Variants in GPC5 observed in about 807,000 individuals in gnomAD.
GPC5 encodes glypican 5.
GPC5 carries 47 observed loss-of-function variants against 53.9 expected under a neutral mutation model. That is an observed-to-expected ratio of 0.87 (90% CI 0.69 to 1.11). The LOEUF (loss-of-function observed/expected upper bound fraction) is 1.11. GPC5 is among the 50% of genes most tolerant of loss of function. The probability of loss-of-function intolerance (pLI) is 0.00; values close to 1 mark genes in which losing one functional copy is unlikely to be tolerated. For missense variants in GPC5, 748 were observed against 713.1 expected (o/e 1.05, Z -0.56); for synonymous variants, 286 against 263.3 (o/e 1.09, Z -0.84).
chr13:92,577,412 A>ATGTGTGTGTGTGTG (rs1198171581), intron 7 of GPC5, among the ~76,000 whole-genome samples: 5 of 107,384 alleles, frequency 4.7e-5, no homozygotes, highest in African/African-American at 1.7e-4. Flanking sequence ...GTAAGTATGT[A>ATGTGTGTGTGTGTG]TGTATATGTG....
intron 7 of GPC5, among the ~76,000 whole-genome samples, chr13:92,764,787 G>A (rs185172208): frequency 2.9e-4 from 44 of 152,124 alleles, no homozygotes; most frequent in Non-Finnish European, 1.5e-4. Flanking sequence ...GGAGGGGATA[G>A]GTGCTAGGGG....
At chr13:91,569,975 C>T (rs117729137) in intron 2 of GPC5, among the ~76,000 whole-genome samples, 15 of 151,808 alleles carry the variant, frequency 9.9e-5, no homozygotes, top group Admixed American at 2.6e-4. Flanking sequence ...GACAAATGGA[C>T]GAAGATAATA....
intron 6 of GPC5, among the ~76,000 whole-genome samples, chr13:92,040,170 T>TG (rs2040930628): frequency 6.6e-6 from 1 of 152,186 alleles, no homozygotes; most frequent in East Asian, 1.9e-4. Flanking sequence ...ATAACATTGA[T>TG]GGGGGAAAAA....
At chr13:92,610,346 A>G (rs1211364303) in intron 7 of GPC5, among the ~76,000 whole-genome samples, 1 of 152,162 alleles carries the variant, frequency 6.6e-6, no homozygotes, top group Non-Finnish European at 1.5e-5. Flanking sequence ...TAGATCTCAA[A>G]ATTTTCCTAA....
At chr13:91,646,592 C>G (rs2034563097) in intron 2 of GPC5, among the ~76,000 whole-genome samples, 1 of 152,028 alleles carries the variant, frequency 6.6e-6, no homozygotes, top group South Asian at 2.1e-4. Flanking sequence ...GGTTTAATGG[C>G]TTTATTTTCT....
chr13:92,697,546 T>A (rs1439550147), intron 7 of GPC5, among the ~76,000 whole-genome samples: 1 of 152,224 alleles, frequency 6.6e-6, no homozygotes, highest in Non-Finnish European at 1.5e-5. Context: ...ATTGATTGTC[T>A]ATCCTGAGAC....
intron 5 of GPC5, among the ~76,000 whole-genome samples, chr13:91,852,495 TC>T (rs2038925683): frequency 6.6e-6 from 1 of 152,030 alleles, no homozygotes; most frequent in Non-Finnish European, 1.5e-5. Context: ...GTTTTTTTTT[TC>T]TCTTCTTATA....
At chr13:91,917,995 CT>C (rs1398516528) in intron 6 of GPC5, among the ~76,000 whole-genome samples, 5 of 152,166 alleles carry the variant, frequency 3.3e-5, no homozygotes, top group Non-Finnish European at 5.9e-5. Context: ...CTGTATTAGT[CT>C]GTTCTCATGC....
chr13:92,160,322 T>C (rs942406738), intron 7 of GPC5, among the ~76,000 whole-genome samples: 1 of 152,238 alleles, frequency 6.6e-6, no homozygotes, highest in African/African-American at 2.4e-5. Flanking sequence ...GATATAGCTG[T>C]TGTTAACTGT....
intron 7 of GPC5, among the ~76,000 whole-genome samples, chr13:92,838,861 A>G (rs1878319249): frequency 6.6e-6 from 1 of 152,200 alleles, no homozygotes; most frequent in Non-Finnish European, 1.5e-5. Context: ...TCCTATGAAA[A>G]CAAGTCAAAA....
intron 7 of GPC5, among the ~76,000 whole-genome samples, chr13:92,851,025 T>C (rs1878781800): frequency 6.6e-6 from 1 of 151,978 alleles, no homozygotes; most frequent in Non-Finnish European, 1.5e-5. Flanking sequence ...TCAGGAAACT[T>C]ACAGACACAG....
chr13:91,937,348 G>A (rs1020859474), intron 6 of GPC5, among the ~76,000 whole-genome samples: 1 of 151,964 alleles, frequency 6.6e-6, no homozygotes, highest in Non-Finnish European at 1.5e-5. Flanking sequence ...AAGTATATTG[G>A]ACAATATAGG....
intron 6 of GPC5, among the ~76,000 whole-genome samples, chr13:92,094,395 C>A (rs2041404524): frequency 6.6e-6 from 1 of 151,652 alleles, no homozygotes. Context: ...TGGCGCACAC[C>A]TGTAGTCCCA....
At chr13:91,422,987 A>G (rs1217781676) in intron 1 of GPC5, among the ~76,000 whole-genome samples, 2 of 152,200 alleles carry the variant, frequency 1.3e-5, no homozygotes, top group Admixed American at 1.3e-4. Context: ...CATTCAAACT[A>G]TAGCAGAAAA....
intron 2 of GPC5, among the ~76,000 whole-genome samples, chr13:91,676,255 G>C (rs1317165662): frequency 6.6e-6 from 1 of 152,108 alleles, no homozygotes; most frequent in Non-Finnish European, 1.5e-5. Context: ...ATTTTTAGTA[G>C]AGACAGGGTT....
At chr13:92,764,320 C>T (rs551811481) in intron 7 of GPC5, among the ~76,000 whole-genome samples, 23 of 152,310 alleles carry the variant, frequency 1.5e-4, no homozygotes, top group South Asian at 4.1e-4. Flanking sequence ...ACAGATGCTA[C>T]GACTACTTGC....
chr13:91,664,708 G>T (rs1258623724), intron 2 of GPC5, among the ~76,000 whole-genome samples: 1 of 152,126 alleles, frequency 6.6e-6, no homozygotes, highest in Non-Finnish European at 1.5e-5. Context: ...TCTGCATGTT[G>T]CTTACAGTTT....
intron 6 of GPC5, among the ~76,000 whole-genome samples, chr13:92,014,502 C>A (rs1296918594): frequency 2.6e-5 from 4 of 152,036 alleles, no homozygotes; most frequent in African/African-American, 7.2e-5. Context: ...TGACAATGAA[C>A]CTTTAATCAA....
intron 3 of GPC5, among the ~76,000 whole-genome samples, chr13:91,714,357 A>G (rs1055802112): frequency 7.2e-5 from 11 of 152,332 alleles, no homozygotes; most frequent in African/African-American, 2.6e-4. Context: ...TGTTGAATAC[A>G]TTAGGATACA....
Sources: gnomAD v4.1 joint callset for allele counts (sites outside exome capture counted in the v4.1 genomes callset) on GRCh38, gnomAD v4.1.1 for gene constraint, MANE v1.5 for transcripts, NCBI Gene and HGNC (gene_info 2026-07-23, HGNC 2026-07-21) for gene names.